SLC25A32: variants seen among roughly 807,000 people sequenced by gnomAD.
SLC25A32 encodes the protein solute carrier family 25 member 32.
SLC25A32 carries 32 observed loss-of-function variants against 39.0 expected under a neutral mutation model. That is an observed-to-expected ratio of 0.82 (90% CI 0.62 to 1.10). The LOEUF (loss-of-function observed/expected upper bound fraction) is 1.10, where lower values mean the gene tolerates loss of function less well. Among genes scored for constraint, SLC25A32 ranks in the 50% least tolerant of loss-of-function variants. The pLI, the probability that SLC25A32 is intolerant of heterozygous loss-of-function variation, is 0.00. For synonymous variants in SLC25A32, 166 were observed against 152.4 expected (o/e 1.09, Z -0.66); for missense variants, 367 against 395.3 (o/e 0.93, Z 0.61).
At chr8:103,412,061 T>G (rs1182968382) in intron 1 of SLC25A32, among the ~76,000 whole-genome samples, 1 of 152,162 alleles carries the variant, frequency 6.6e-6, no homozygotes, top group African/African-American at 2.4e-5. Flanking sequence ...TTCTGTAAGA[T>G]AGGAAAAAAT....
intron 2 of SLC25A32, among the ~76,000 whole-genome samples, chr8:103,405,277 G>A (rs1816304970): frequency 6.6e-6 from 1 of 152,136 alleles, no homozygotes. Flanking sequence ...AGATAAACAA[G>A]TGATGAATTT....
At position 103,415,100 on chromosome 8, in the gene SLC25A32, C is replaced by T; in HGVS notation, c.-163G>A. 2 of 1,612,228 alleles carry T rather than the reference C, an allele frequency of 1.2e-6. No individual in the cohort carries two copies. The highest frequency in any genetic ancestry group is 8.5e-7 in the Non-Finnish European group (1 of 1,179,632). ...AGGCGCGTGAGCGAAGCCGGAGACTCTAGTACTGAGGGGGCAAGAACGGGG... is the reference window on the plus strand; with the variant it reads ...AGGCGCGTGAGCGAAGCCGGAGACTTTAGTACTGAGGGGGCAAGAACGGGG... On this transcript the variant is annotated 5_prime_UTR_variant, in exon 1 of 7. Transcript: ENST00000297578.
intron 2 of SLC25A32, 137 bp from the exon 3 acceptor site, chr8:103,404,998 G>A (rs1443745082): frequency 2.0e-6 from 1 of 504,698 alleles, no homozygotes; most frequent in Non-Finnish European, 3.4e-6. Context: ...CCTTTTTCAA[G>A]AATGAATTTG....
chr8:103,410,349 G>A (rs1022385333), intron 1 of SLC25A32, among the ~76,000 whole-genome samples: 1 of 152,188 alleles, frequency 6.6e-6, no homozygotes, highest in East Asian at 1.9e-4. Context: ...GAGTACGAGC[G>A]AAGCTTCATC....
At position 103,401,539 on chromosome 8, in the gene SLC25A32, T is replaced by C; in HGVS notation, c.789A>G (p.Ile263Met). 1 of 1,613,618 alleles carries C rather than the reference T, an allele frequency of 6.2e-7. No homozygotes were observed. Among genetic ancestry groups the C allele is most frequent in the East Asian group, 2.2e-5 (1 of 44,856 alleles). The change falls in exon 6 of 7, where the codon ATA (isoleucine) becomes ATG (methionine). Residue 263 changes from isoleucine (I) to methionine (M), a missense_variant. Physicochemically the swap from Ile to Met is conservative, Grantham distance 10. Coordinates refer to ENST00000297578, the MANE Select transcript of SLC25A32 (RefSeq NM_030780.5). ...QDQHMFYSGV[I>M]DVITKTWRKE... is the part of the protein sequence containing the mutation. ...ACCTCCATGTCTTTGTGATTACATCTATTACACCACTGTAAAACATGTGTT... is the reference window on the plus strand; with the variant it reads ...ACCTCCATGTCTTTGTGATTACATCCATTACACCACTGTAAAACATGTGTT...
chr8:103,407,568 T>C, intron 2 of SLC25A32, 66 bp downstream of exon 2: 1 of 1,300,422 alleles, frequency 7.7e-7, no homozygotes, highest in Non-Finnish European at 1.0e-6. Flanking sequence ...CATTTACATG[T>C]AAAAATCACC....
rs1361170433 is a variant in SLC25A32, at chr8:103,399,311, A to G, written c.*1100T>C. Reference sequence around the variant, plus strand: ...GGTGATCTATTTAGCATCTGTAATAAGTGATTTATAGTTATATATGCTAAA... The same window carrying G: ...GGTGATCTATTTAGCATCTGTAATAGGTGATTTATAGTTATATATGCTAAA... On this transcript the variant is annotated 3_prime_UTR_variant, in exon 7 of 7. Coordinates refer to ENST00000297578, the MANE Select transcript of SLC25A32 (RefSeq NM_030780.5). 2 of 152,240 alleles carry G rather than the reference A, an allele frequency of 1.3e-5. No individual in the cohort carries two copies. The highest frequency in any genetic ancestry group is 4.8e-5 in the African/African-American group (2 of 41,470). 9.4% of individuals were successfully genotyped at this position (152,240 alleles called of 1,614,324 possible).
chr8:103,403,115 C>T (rs370949080), intron 4 of SLC25A32, 49 bp downstream of exon 4: 190 of 1,383,160 alleles, frequency 1.4e-4, no homozygotes, highest in African/African-American at 3.9e-4. Context: ...ACAGAGCCAA[C>T]GGAAATTCAA....
At chr8:103,405,640 T>C (rs770347427) in intron 2 of SLC25A32, among the ~76,000 whole-genome samples, 2 of 152,160 alleles carry the variant, frequency 1.3e-5, no homozygotes, top group Non-Finnish European at 2.9e-5. Context: ...TGGATGACGA[T>C]GTCAAGTGAA....
rs1200807236 is a variant in SLC25A32 at position 103,414,958 on chromosome 8, C to G, written c.-21G>C. Reference sequence around the variant, plus strand: ...GTCATAGGCTCGGGGCCCGTCGACACCACGGCGCCCAGGGCCGCGGAGGTG... The same window carrying G: ...GTCATAGGCTCGGGGCCCGTCGACAGCACGGCGCCCAGGGCCGCGGAGGTG... On this transcript the variant is annotated 5_prime_UTR_variant, in exon 1 of 7. Transcript: ENST00000297578. The G allele has an allele frequency of 6.3e-7, 1 of 1,590,358 alleles. No homozygotes were observed. Among genetic ancestry groups the G allele is most frequent in the Admixed American group, 1.8e-5 (1 of 56,322 alleles).
intron 2 of SLC25A32, among the ~76,000 whole-genome samples, chr8:103,405,547 T>G (rs925287102): frequency 1.6e-4 from 24 of 152,216 alleles, no homozygotes; most frequent in Non-Finnish European, 4.4e-5. Context: ...GCATTTTATT[T>G]GGTAGAAAAT....
chr8:103,401,620 T>C lies in SLC25A32; in HGVS notation c.708A>G (p.Ile236Met). The C allele has an allele frequency of 6.2e-7, 1 of 1,613,482 alleles. No homozygotes were observed. ...ATGGGTATGTTGCTGCGACAGCAAA[T>C]ATTTTGGATAGTGCTGCAACAGATA... ...EYISVAALSK[I>M]FAVAATYPYQ... Residue 236 changes from isoleucine (I) to methionine (M), a missense_variant, in exon 6 of 7, where the codon ATA (isoleucine) becomes ATG (methionine). Ile to Met is a conservative substitution (Grantham distance 10). Coordinates refer to ENST00000297578, the MANE Select transcript of SLC25A32 (RefSeq NM_030780.5).
Position 103,401,956 on chromosome 8 carries a change from T to A in SLC25A32, c.651A>T (p.Leu217Phe). The A allele has an allele frequency of 6.2e-7, 1 of 1,610,522 alleles. No homozygotes were observed. The highest frequency in any genetic ancestry group is 1.1e-5 in the South Asian group (1 of 90,308). The change falls in exon 5 of 7, where the codon TTA (leucine) becomes TTT (phenylalanine). Residue 217 changes from leucine to phenylalanine, a missense_variant. By Grantham distance (22) the Leu-to-Phe change is conservative. Coordinates refer to ENST00000297578, the MANE Select transcript of SLC25A32 (RefSeq NM_030780.5). ...KLKYNQHINR[L>F]PEAQLSTVEY... ...ATAATCTTACCAACTGGGCTTCTGG[T>A]AATCTATTGATATGCTGGTTGTACT...
In SLC25A32 at chr8:103,401,487, G is replaced by GC. The variant is rs1666219062; in HGVS notation, c.812+28dup. On this transcript the variant is annotated intron_variant, in intron 6 of 6. Coordinates refer to ENST00000297578, the MANE Select transcript of SLC25A32 (RefSeq NM_030780.5). ...AAGATATGCAAGGTACCTTGTCAAA[G>GC]CAATTTTTGATATAGCACGTGCTCT... 4 of 1,599,488 alleles carry GC rather than the reference G, an allele frequency of 2.5e-6. No homozygotes were observed. In the South Asian group the frequency reaches 4.5e-5, roughly 18 times the overall value.
intron 2 of SLC25A32, among the ~76,000 whole-genome samples, chr8:103,406,133 T>G (rs535739990): frequency 3.3e-5 from 5 of 151,728 alleles, no homozygotes; most frequent in African/African-American, 9.7e-5. Flanking sequence ...ACATACATTC[T>G]ATACACACAT....
chr8:103,406,166 G>C (rs768072955), intron 2 of SLC25A32, among the ~76,000 whole-genome samples: 2 of 151,620 alleles, frequency 1.3e-5, no homozygotes, highest in Non-Finnish European at 2.9e-5. Context: ...GGGGGTGTGT[G>C]TGTATATAGT....
chr8:103,407,705 T>C lies in SLC25A32; in HGVS notation c.234A>G (p.Leu78=), dbSNP rs778115515. The change falls in exon 2 of 7, where the codon CTA becomes CTG. Residue 78 remains leucine, a synonymous_variant. Coordinates refer to ENST00000297578, the MANE Select transcript of SLC25A32 (RefSeq NM_030780.5). ...GGGTTACTCCTTGATAAAGTCCCCGTAGTCCATCAAGTTTCCAAATGGTAG... is the reference window on the plus strand; with the variant it reads ...GGGTTACTCCTTGATAAAGTCCCCGCAGTCCATCAAGTTTCCAAATGGTAG... The part of the protein sequence containing the change: ...CLTTIWKLDG[L]RGLYQGVTPN... 2 of 1,612,980 alleles carry C rather than the reference T, an allele frequency of 1.2e-6. No individual in the cohort carries two copies. The highest frequency in any genetic ancestry group is 1.1e-5 in the South Asian group (1 of 90,998).
chr8:103,407,965 AT>A (rs1816371638), intron 1 of SLC25A32, among the ~76,000 whole-genome samples, 181 bp from the exon 2 acceptor site: 1 of 147,448 alleles, frequency 6.8e-6, no homozygotes, highest in Non-Finnish European at 1.5e-5. Context: ...ATAAATATAT[AT>A]ATATATAAAT....
chr8:103,412,056 T>A (rs1256606043), intron 1 of SLC25A32, among the ~76,000 whole-genome samples: 2 of 152,162 alleles, frequency 1.3e-5, no homozygotes, highest in East Asian at 1.9e-4. Context: ...AGTTTTTCTG[T>A]AAGATAGGAA....
Sources: gnomAD v4.1 joint callset for allele counts (sites outside exome capture counted in the v4.1 genomes callset) on GRCh38, gnomAD v4.1.1 for gene constraint, MANE v1.5 for transcripts, NCBI Gene and HGNC (gene_info 2026-07-23, HGNC 2026-07-21) for gene names.